Variants in KCNIP4 observed in about 807,000 individuals in gnomAD.
KCNIP4 encodes potassium voltage-gated channel interacting protein 4.
A neutral mutation model predicts 34.0 loss-of-function variants in KCNIP4; 12 were observed. The observed-to-expected ratio is 0.35, with a 90% CI of 0.23 to 0.57. The LOEUF is 0.57. KCNIP4 is among the 20% of genes least tolerant of loss of function. The pLI is 0.83. For missense variants in KCNIP4, 238 were observed against 311.7 expected, an observed-to-expected ratio of 0.76 and a Z score of 1.78; for synonymous variants, 124 against 102.2, an observed-to-expected ratio of 1.21 and a Z score of -1.29.
At chr4:20,769,072 C>CAA (rs5856579) in intron 3 of KCNIP4, among the ~76,000 whole-genome samples, 4,706 of 99,644 alleles carry the variant, frequency 0.047, 133 homozygotes, top group East Asian at 0.23. Flanking sequence ...GATTTACAGC[C>CAA]AAAAAAAAAA....
chr4:21,718,096 A>C (rs1449241852), intron 1 of KCNIP4, among the ~76,000 whole-genome samples: 7 of 152,208 alleles, frequency 4.6e-5, no homozygotes, highest in African/African-American at 1.7e-4. Flanking sequence ...ACTTCTGAGA[A>C]CACCACATTA....
chr4:21,341,409 C>T (rs73802581), intron 1 of KCNIP4, among the ~76,000 whole-genome samples: 195 of 152,262 alleles, frequency 1.3e-3, no homozygotes, highest in African/African-American at 4.2e-3. Context: ...CTCCACACTC[C>T]TCCCATATCC....
chr4:21,323,143 A>ATTATATATATATAT (rs1714670755), intron 1 of KCNIP4, among the ~76,000 whole-genome samples: 1 of 85,934 alleles, frequency 1.2e-5, no homozygotes, highest in African/African-American at 5.7e-5. Flanking sequence ...CTCTTTTGTA[A>ATTATATATATATAT]GTATATATAT....
chr4:21,201,637 T>G (rs1449317517), intron 1 of KCNIP4, among the ~76,000 whole-genome samples: 1 of 152,172 alleles, frequency 6.6e-6, no homozygotes, highest in Non-Finnish European at 1.5e-5. Flanking sequence ...TAGCTGGGAC[T>G]ACAGTTGCCC....
intron 1 of KCNIP4, among the ~76,000 whole-genome samples, chr4:21,682,917 T>C (rs576145927): frequency 6.6e-6 from 1 of 152,234 alleles, no homozygotes; most frequent in South Asian, 2.1e-4. Context: ...AAAGATATAA[T>C]GATAATGAAA....
intron 1 of KCNIP4, among the ~76,000 whole-genome samples, chr4:21,842,736 A>C (rs757501808): frequency 6.6e-6 from 1 of 152,104 alleles, no homozygotes; most frequent in Non-Finnish European, 1.5e-5. Flanking sequence ...GATAGTTCTT[A>C]CTTCAAATAT....
At chr4:21,446,039 G>T (rs922483349) in intron 1 of KCNIP4, among the ~76,000 whole-genome samples, 3 of 152,148 alleles carry the variant, frequency 2.0e-5, no homozygotes, top group Non-Finnish European at 2.9e-5. Context: ...ATCATCACTG[G>T]TCATCAGAGA....
intron 1 of KCNIP4, among the ~76,000 whole-genome samples, chr4:21,407,010 T>C (rs1724053186): frequency 6.6e-6 from 1 of 152,162 alleles, no homozygotes; most frequent in African/African-American, 2.4e-5. Context: ...GAATCAATAT[T>C]TTCCAACATT....
chr4:21,357,280 C>A (rs1218228881), intron 1 of KCNIP4, among the ~76,000 whole-genome samples: 1 of 152,038 alleles, frequency 6.6e-6, no homozygotes, highest in African/African-American at 2.4e-5. Flanking sequence ...ACTAAAACAC[C>A]AAAAGCAATG....
chr4:21,890,615 T>C (rs75724394), intron 1 of KCNIP4, among the ~76,000 whole-genome samples: 12,597 of 152,076 alleles, frequency 0.083, 675 homozygotes, highest in Non-Finnish European at 0.12. Flanking sequence ...GAAGACACAG[T>C]CCCTGAACTT....
intron 5 of KCNIP4, 65 bp from the exon 6 acceptor site, chr4:20,734,800 A>ACAAG (rs2149274501): frequency 3.1e-6 from 3 of 954,444 alleles, no homozygotes; most frequent in Non-Finnish European, 4.8e-6. Flanking sequence ...AAAAAAACAA[A>ACAAG]TGATGTAAGT....
intron 1 of KCNIP4, among the ~76,000 whole-genome samples, chr4:21,083,586 G>A (rs1560706099): frequency 6.6e-6 from 1 of 151,690 alleles, no homozygotes; most frequent in Non-Finnish European, 1.5e-5. Flanking sequence ...AGATCACTGA[G>A]TCAGAGATTG....
In KCNIP4 at chr4:21,016,550, C is replaced by A. The variant is rs28465252; in HGVS notation, c.62-133841G>T. Among the ~76,000 whole-genome samples the A allele has an allele frequency of 5.3e-3, 808 of 152,252 alleles. 7 individuals are homozygous for A. The highest frequency in any genetic ancestry group is 0.018 in the African/African-American group (754 of 41,550). On this transcript the variant is annotated intron_variant, in intron 1 of 8. Transcript: ENST00000382152. ...GACCTCGTGATCTGCCCGCCTCGGC[C>A]TCCCAAAGTGCTGGGATTACAGGCG...
At chr4:20,736,608 T>C (rs888819501) in intron 5 of KCNIP4, among the ~76,000 whole-genome samples, 5 of 152,172 alleles carry the variant, frequency 3.3e-5, no homozygotes, top group African/African-American at 9.6e-5. Context: ...GCCTAATATA[T>C]ATAGAACAGT....
At chr4:21,617,244 G>A in intron 1 of KCNIP4, among the ~76,000 whole-genome samples, 1 of 152,110 alleles carries the variant, frequency 6.6e-6, no homozygotes. Flanking sequence ...TAAATCATAA[G>A]AAAGTAAAAT....
chr4:21,434,030 C>T (rs1411673470), intron 1 of KCNIP4, among the ~76,000 whole-genome samples: 1 of 152,086 alleles, frequency 6.6e-6, no homozygotes, highest in Non-Finnish European at 1.5e-5. Flanking sequence ...TTATTCTTTA[C>T]TACTATTTTT....
At chr4:20,811,306 A>G (rs898319687) in intron 3 of KCNIP4, among the ~76,000 whole-genome samples, 9 of 152,206 alleles carry the variant, frequency 5.9e-5, no homozygotes, top group Admixed American at 5.2e-4. Context: ...TGATATGGCC[A>G]TGGCACCAAA....
chr4:21,834,627 A>G (rs960476169), intron 1 of KCNIP4, among the ~76,000 whole-genome samples: 3 of 152,110 alleles, frequency 2.0e-5, no homozygotes, highest in Non-Finnish European at 4.4e-5. Context: ...TTCCAACACT[A>G]TGTTGAATAG....
intron 1 of KCNIP4, among the ~76,000 whole-genome samples, chr4:21,801,388 C>A (rs1173038850): frequency 6.6e-6 from 1 of 151,936 alleles, no homozygotes; most frequent in Non-Finnish European, 1.5e-5. Context: ...TGGCTTTGTT[C>A]CTGGCAAGAG....
Sources: gnomAD v4.1 joint callset for allele counts (sites outside exome capture counted in the v4.1 genomes callset) on GRCh38, gnomAD v4.1.1 for gene constraint, MANE v1.5 for transcripts, NCBI Gene and HGNC (gene_info 2026-07-23, HGNC 2026-07-21) for gene names.